Variants in KCNMB1 observed in about 807,000 individuals in gnomAD.
KCNMB1 encodes calcium-activated potassium channel subunit beta-1.
KCNMB1 carries 22 observed loss-of-function variants against 21.7 expected under a neutral mutation model. The ratio of observed to expected loss-of-function variants is 1.01; its 90% CI spans 0.72 to 1.45. The LOEUF is 1.45. Among genes scored for constraint, KCNMB1 ranks in the 40% most tolerant of loss-of-function variants. The pLI, the probability that KCNMB1 is intolerant of heterozygous loss-of-function variation, is 0.00. For missense variants in KCNMB1, 243 were observed against 243.4 expected (o/e 1.00, Z 0.01); for synonymous variants, 114 against 107.6 (o/e 1.06, Z -0.37).
intron 3 of KCNMB1, among the ~76,000 whole-genome samples, chr5:170,380,509 G>A (rs1249201290): frequency 6.6e-6 from 1 of 152,222 alleles, no homozygotes; most frequent in African/African-American, 2.4e-5. Flanking sequence ...CTGCCCTGAG[G>A]GCATTCACTC....
chr5:170,380,445 T>C (rs12518628), intron 3 of KCNMB1, among the ~76,000 whole-genome samples: 3,983 of 152,336 alleles, frequency 0.026, 118 homozygotes, highest in African/African-American at 0.067. Flanking sequence ...GCCAGATTCC[T>C]TGCAGGCCTC....
Position 170,376,883 on chromosome 5 carries a change from A to G in KCNMB1, c.*1821T>C, listed in dbSNP as rs1764025364. 6.6e-6 allele frequency: 1 copy of G among 152,264 alleles called. No homozygotes were observed. The highest frequency in any genetic ancestry group is 2.1e-4 in the South Asian group (1 of 4,838). 9.4% of individuals were successfully genotyped at this position (152,264 alleles called of 1,614,324 possible). A position where few individuals can be genotyped will look rare whatever the true frequency, so the allele number is the denominator to read the frequency against. ...TGCAACTTAAAATGAAAGTTAAGAA[A>G]AAAACACACACACAAAACAAACAAA... is the stretch of plus-strand genomic sequence containing the variant. On this transcript the variant is annotated 3_prime_UTR_variant, in exon 4 of 4. Transcript: ENST00000274629.
chr5:170,383,823 G>C lies in KCNMB1; in HGVS notation c.162C>G (p.His54Gln). The C allele has an allele frequency of 2.5e-6, 4 of 1,614,040 alleles. No individual in the cohort carries two copies. Among genetic ancestry groups the C allele is most frequent in the Non-Finnish European group, 3.4e-6 (4 of 1,179,990 alleles). ...GGTCCCTGATGTTGGTCTCAATCAG[G>C]TGGCACTTGGATTCCTGGGTCCACA... ...KSVWTQESKC[H>Q]LIETNIRDQE... Residue 54 changes from histidine (H) to glutamine (Q), a missense_variant, in exon 3 of 4, where the codon CAC becomes CAG. By Grantham distance (24) the His-to-Gln change is conservative. Transcript: ENST00000274629.
rs554593379 is a variant in KCNMB1 at position 170,378,497 on chromosome 5, T to C, written c.*207A>G. ...GGCTGGCCTTATGGCCTCCAAGGCATTGGGGAGCCACTGTACATTCTTGAG... is the reference window on the plus strand; with the variant it reads ...GGCTGGCCTTATGGCCTCCAAGGCACTGGGGAGCCACTGTACATTCTTGAG... On this transcript the variant is annotated 3_prime_UTR_variant, in exon 4 of 4. Coordinates refer to ENST00000274629, the MANE Select transcript of KCNMB1 (RefSeq NM_004137.4). 75 of 602,150 alleles carry C rather than the reference T, an allele frequency of 1.2e-4. No homozygotes were observed. Among genetic ancestry groups the C allele is most frequent in the East Asian group, 7.7e-4 (27 of 35,122 alleles). The allele number at this position is 602,150 out of a possible 1,614,324, so 37.3% of individuals were successfully genotyped here.
In KCNMB1 at chr5:170,374,801, C is replaced by G. The variant is rs542685480; in HGVS notation, c.*3903G>C. The G allele has an allele frequency of 6.6e-6, 1 of 152,164 alleles. No individual in the cohort carries two copies. The highest frequency in any genetic ancestry group is 2.4e-5 in the African/African-American group (1 of 41,420). The allele number at this position is 152,164 out of a possible 1,614,324, so 9.4% of individuals were successfully genotyped here. A position where few individuals can be genotyped will look rare whatever the true frequency, so the allele number is the denominator to read the frequency against. On this transcript the variant is annotated 3_prime_UTR_variant, in exon 4 of 4. Coordinates refer to ENST00000274629, the MANE Select transcript of KCNMB1 (RefSeq NM_004137.4). ...AATTCCCATTATTTCATGCTTATCC[C>G]GTGCATAAAGTTCTGTGAGCAGCAG...
chr5:170,383,823 G>A lies in KCNMB1; in HGVS notation c.162C>T (p.His54=). The A allele has an allele frequency of 6.2e-7, 1 of 1,614,040 alleles. No individual in the cohort carries two copies. The highest frequency in any genetic ancestry group is 8.5e-7 in the Non-Finnish European group (1 of 1,179,990). ...KSVWTQESKC[H]LIETNIRDQE... ...GGTCCCTGATGTTGGTCTCAATCAG[G>A]TGGCACTTGGATTCCTGGGTCCACA... Residue 54 remains histidine, a synonymous_variant, in exon 3 of 4, where the codon CAC becomes CAT. Transcript: ENST00000274629.
At chr5:170,385,203 C>A (rs1417776499) in intron 2 of KCNMB1, 111 bp downstream of exon 2, 2 of 1,187,854 alleles carry the variant, frequency 1.7e-6, no homozygotes, top group South Asian at 1.3e-5. Context: ...CTTGACCCTG[C>A]TGCCTTGAAT....
At chr5:170,385,542 G>T (rs1764434693) in intron 1 of KCNMB1, 71 bp from the exon 2 acceptor site, 1 of 1,377,792 alleles carries the variant, frequency 7.3e-7, no homozygotes, top group African/African-American at 1.4e-5. Flanking sequence ...GAGAGGACAG[G>T]TGAGAGGGGA....
intron 3 of KCNMB1, 71 bp from the exon 4 acceptor site, chr5:170,379,044 T>C (rs1226115619): frequency 2.0e-6 from 3 of 1,536,432 alleles, no homozygotes; most frequent in Non-Finnish European, 2.6e-6. Flanking sequence ...TGATATGGAG[T>C]AAAGAAAAAT....
intron 3 of KCNMB1, among the ~76,000 whole-genome samples, chr5:170,381,854 A>G (rs1231649650): frequency 2.0e-5 from 3 of 152,226 alleles, no homozygotes; most frequent in East Asian, 3.8e-4. Context: ...CTGAATGCCA[A>G]CGCAGAGGCA....
At chr5:170,386,999 T>C (rs189468539) in intron 1 of KCNMB1, among the ~76,000 whole-genome samples, 1 of 152,166 alleles carries the variant, frequency 6.6e-6, no homozygotes, top group Non-Finnish European at 1.5e-5. Context: ...CCTCAATCTA[T>C]GCCGCCTGGA....
At position 170,383,773 on chromosome 5, in the gene KCNMB1, AC is replaced by A; in HGVS notation, c.211del (p.Val71CysfsTer98). ...RDQEELKGKK[V>X]PQYPCLWVNV... ...GACCCACAGGCATGGGTACTGGGGC[AC>A]CTTCTTGCCCTTCAGCTCCTCCTGG... On this transcript the variant is annotated frameshift_variant, in exon 3 of 4. Coordinates refer to ENST00000274629, the MANE Select transcript of KCNMB1 (RefSeq NM_004137.4). LOFTEE classifies it high-confidence loss of function. 3.1e-6 allele frequency: 5 copies of A among 1,614,022 alleles called. No homozygotes were observed. Among genetic ancestry groups the A allele is most frequent in the Non-Finnish European group, 4.2e-6 (5 of 1,179,968 alleles).
chr5:170,378,867 G>T lies in KCNMB1; in HGVS notation c.413C>A (p.Ala138Glu), dbSNP rs376837648. 2 of 1,614,128 alleles carry T rather than the reference G, an allele frequency of 1.2e-6. No individual in the cohort carries two copies. The highest frequency in any genetic ancestry group is 2.7e-5 in the African/African-American group (2 of 74,942). Residue 138 changes from alanine to glutamate, a missense_variant, in exon 4 of 4, where the codon GCA becomes GAA. Transcript: ENST00000274629. ...GACGCTGGTTTCGTTCCCCCGAGGT[G>T]CGGAGAAGCAGTAGAAGACCTGCTG... ...QEQQVFYCFS[A>E]PRGNETSVLF... is the part of the protein sequence containing the mutation.
At chr5:170,389,107 C>T (rs1390011940) in intron 1 of KCNMB1, among the ~76,000 whole-genome samples, 152 bp downstream of exon 1, 1 of 152,158 alleles carries the variant, frequency 6.6e-6, no homozygotes, top group Admixed American at 6.5e-5. Flanking sequence ...CACCAGACCA[C>T]GGGCCCTCCA....
In KCNMB1 at chr5:170,376,147, A is replaced by ATTTT. The variant is rs1383749227; in HGVS notation, c.*2556_*2557insAAAA. 2.1e-5 allele frequency: 2 copies of ATTTT among 96,516 alleles called. No individual in the cohort carries two copies. The highest frequency in any genetic ancestry group is 2.2e-4 in the Admixed American group (2 of 8,940). 6.0% of individuals were successfully genotyped at this position (96,516 alleles called of 1,614,324 possible). A position where few individuals can be genotyped will look rare whatever the true frequency, so the allele number is the denominator to read the frequency against. Reference sequence around the variant, plus strand: ...GGAAGTTTCTGAGTATTCATGACTTATTCTTTTTTTTTTTTTTTTTTTTTT... The same window carrying ATTTT: ...GGAAGTTTCTGAGTATTCATGACTTATTTTTTCTTTTTTTTTTTTTTTTTTTTTT... On this transcript the variant is annotated 3_prime_UTR_variant, in exon 4 of 4. Transcript: ENST00000274629.
intron 3 of KCNMB1, among the ~76,000 whole-genome samples, chr5:170,379,792 A>T (rs1764165735): frequency 6.6e-6 from 1 of 152,026 alleles, no homozygotes; most frequent in African/African-American, 2.4e-5. Context: ...CTACAAAAAA[A>T]GTTAAAAATT....
Position 170,378,690 on chromosome 5 carries a change from A to G in KCNMB1, c.*14T>C. 6.3e-7 allele frequency: 1 copy of G among 1,599,270 alleles called. No homozygotes were observed. Among genetic ancestry groups the G allele is most frequent in the Non-Finnish European group, 8.5e-7 (1 of 1,173,180 alleles). On this transcript the variant is annotated 3_prime_UTR_variant, in exon 4 of 4. Transcript: ENST00000274629. ...CCTGTGCCCTGACAAGTGGTATGGCATGGATGGATGGCTCTACTTCTGGGC... is the reference window on the plus strand; with the variant it reads ...CCTGTGCCCTGACAAGTGGTATGGCGTGGATGGATGGCTCTACTTCTGGGC...
At chr5:170,386,127 A>C (rs572785544) in intron 1 of KCNMB1, among the ~76,000 whole-genome samples, 45 of 152,178 alleles carry the variant, frequency 3.0e-4, no homozygotes, top group African/African-American at 6.0e-4. Context: ...TCCGTCAAAA[A>C]AAAAAACAAA....
chr5:170,378,492 A>T lies in KCNMB1; in HGVS notation c.*212T>A. The T allele has an allele frequency of 1.7e-6, 1 of 595,170 alleles. No individual in the cohort carries two copies. The highest frequency in any genetic ancestry group is 2.9e-6 in the Non-Finnish European group (1 of 344,646). 36.9% of individuals were successfully genotyped at this position (595,170 alleles called of 1,614,324 possible). A position where few individuals can be genotyped will look rare whatever the true frequency, so the allele number is the denominator to read the frequency against. ...GAACTGGCTGGCCTTATGGCCTCCAAGGCATTGGGGAGCCACTGTACATTC... is the reference window on the plus strand; with the variant it reads ...GAACTGGCTGGCCTTATGGCCTCCATGGCATTGGGGAGCCACTGTACATTC... On this transcript the variant is annotated 3_prime_UTR_variant, in exon 4 of 4. Transcript: ENST00000274629.
Sources: allele counts gnomAD v4.1 joint callset (sites outside exome capture counted in the v4.1 genomes callset), GRCh38; gene constraint gnomAD v4.1.1; transcripts MANE v1.5; gene names NCBI Gene and HGNC (gene_info 2026-07-23, HGNC 2026-07-21).